The following CALN1 variants were observed in gnomAD, a reference collection of about 807,000 sequenced individuals.
CALN1 encodes the protein calneuron 1.
In CALN1, 17 loss-of-function variants were observed where a neutral mutation model predicts 30.6. The observed-to-expected ratio is 0.56, with a 90% confidence interval of 0.38 to 0.83. The LOEUF is 0.83. Ranked by LOEUF, CALN1 falls within the 40% of genes least tolerant of loss-of-function variation. The probability of loss-of-function intolerance (pLI) is 0.00; values close to 1 mark genes in which losing one functional copy is unlikely to be tolerated. For missense variants in CALN1, 291 were observed against 354.9 expected (o/e 0.82, Z 1.45); for synonymous variants, 156 against 131.4 (o/e 1.19, Z -1.28).
At chr7:72,057,383 CTTTTTTTTTT>C (rs60838093) in intron 4 of CALN1, among the ~76,000 whole-genome samples, 1 of 101,910 alleles carries the variant, frequency 9.8e-6, no homozygotes, top group Non-Finnish European at 1.9e-5. Context: ...TTTAAATGTT[CTTTTTTTTTT>C]TTTTTTTTTT....
chr7:72,037,483 A>T (rs1750028618), intron 4 of CALN1, among the ~76,000 whole-genome samples: 1 of 152,192 alleles, frequency 6.6e-6, no homozygotes, highest in South Asian at 2.1e-4. Context: ...GAACCATATC[A>T]TTTATTACCT....
chr7:71,831,288 G>A (rs1705747311), intron 5 of CALN1, among the ~76,000 whole-genome samples: 1 of 152,228 alleles, frequency 6.6e-6, no homozygotes, highest in East Asian at 1.9e-4. Flanking sequence ...AGATCAGCCT[G>A]GCCAAGATGG....
intron 5 of CALN1, among the ~76,000 whole-genome samples, chr7:71,900,513 TAACA>T (rs1222203901): frequency 6.6e-6 from 1 of 152,190 alleles, no homozygotes; most frequent in Non-Finnish European, 1.5e-5. Flanking sequence ...TATACACCAC[TAACA>T]ATCAAGCTGA....
At chr7:72,467,637 A>C in the CALN1 span, among the ~76,000 whole-genome samples, 1 of 152,192 alleles carries the variant, frequency 6.6e-6, no homozygotes, top group Non-Finnish European at 1.5e-5. Context: ...CTGGCCGTCC[A>C]TAGCCCCGAC....
intron 3 of CALN1, among the ~76,000 whole-genome samples, chr7:72,195,822 G>C (rs1426645673): frequency 1.3e-5 from 2 of 152,078 alleles, no homozygotes; most frequent in African/African-American, 4.8e-5. Flanking sequence ...AAGTTACAAG[G>C]TGTCATTATT....
Position 72,168,614 on chromosome 7 carries a change from C to T in CALN1, c.245-62320G>A, listed in dbSNP as rs150740819. On this transcript the variant is annotated intron_variant, in intron 3 of 6. Transcript: ENST00000395275. ...TCACAACTGGATTTATAGACTGTAA[C>T]TAAAAAAGTAAAAGAGACAGTGTTC... Among the ~76,000 whole-genome samples, 677 of 152,130 alleles carry T rather than the reference C, an allele frequency of 4.5e-3. 3 individuals are homozygous for T. Among genetic ancestry groups the T allele is most frequent in the African/African-American group, 0.016 (656 of 41,508 alleles).
chr7:71,953,768 A>G (rs111573610), intron 5 of CALN1, among the ~76,000 whole-genome samples: 68 of 152,006 alleles, frequency 4.5e-4, no homozygotes, highest in African/African-American at 1.6e-3. Context: ...CAAGCAGAGG[A>G]CCAGTTTCCA....
chr7:72,250,980 C>A (rs953485218), intron 3 of CALN1, among the ~76,000 whole-genome samples: 15 of 152,132 alleles, frequency 9.9e-5, no homozygotes, highest in African/African-American at 3.6e-4. Flanking sequence ...GGCTGTTGGG[C>A]AGGGTCTCTC....
intron 2 of CALN1, among the ~76,000 whole-genome samples, chr7:72,382,978 G>C (rs1486475041): frequency 1.3e-5 from 2 of 152,100 alleles, no homozygotes; most frequent in African/African-American, 4.8e-5. Context: ...TCTAGAGATG[G>C]GGTTTCACCA....
intron 6 of CALN1, among the ~76,000 whole-genome samples, chr7:71,799,759 A>C (rs1787196772): frequency 6.6e-6 from 1 of 152,136 alleles, no homozygotes; most frequent in African/African-American, 2.4e-5. Flanking sequence ...TACAGGCATG[A>C]GCCGCCGCGC....
At chr7:72,121,241 T>C (rs1225540381) in intron 3 of CALN1, among the ~76,000 whole-genome samples, 1 of 141,954 alleles carries the variant, frequency 7.0e-6, no homozygotes, top group Non-Finnish European at 1.5e-5. Context: ...ATAATTAATA[T>C]ATTATAATAC....
intron 3 of CALN1, among the ~76,000 whole-genome samples, chr7:72,121,418 TAA>T (rs1290941040): frequency 6.8e-6 from 1 of 146,610 alleles, no homozygotes; most frequent in Non-Finnish European, 1.5e-5. Context: ...GTACTATGTA[TAA>T]TATAGATATC....
intron 5 of CALN1, among the ~76,000 whole-genome samples, chr7:72,012,912 C>T (rs531992211): frequency 9.2e-5 from 14 of 152,256 alleles, no homozygotes; most frequent in Non-Finnish European, 1.8e-4. Flanking sequence ...TCTCCTGTCT[C>T]AGCCTCCTGA....
At chr7:72,205,551 A>AAATATATACATATATACATAT in intron 3 of CALN1, among the ~76,000 whole-genome samples, 3 of 83,052 alleles carry the variant, frequency 3.6e-5, no homozygotes, top group African/African-American at 1.5e-4. Context: ...GCAAAAAAAA[A>AAATATATACATATATACATAT]ATATATATAT....
intron 1 of CALN1, among the ~76,000 whole-genome samples, chr7:72,423,069 G>A (rs1468128052): frequency 2.7e-5 from 4 of 149,050 alleles, no homozygotes; most frequent in South Asian, 4.2e-4. Flanking sequence ...CTGAGATCAC[G>A]CCACACTCTA....
intron 4 of CALN1, among the ~76,000 whole-genome samples, chr7:72,092,604 G>T: frequency 9.0e-6 from 1 of 110,600 alleles, no homozygotes; most frequent in Non-Finnish European, 1.8e-5. Flanking sequence ...TAAAACTTTT[G>T]CAATGAATAT....
At chr7:72,279,720 G>A (rs543416726) in intron 2 of CALN1, among the ~76,000 whole-genome samples, 1 of 152,220 alleles carries the variant, frequency 6.6e-6, no homozygotes, top group East Asian at 1.9e-4. Flanking sequence ...CAGATGGGAA[G>A]ATTATCTTCT....
intron 3 of CALN1, among the ~76,000 whole-genome samples, chr7:72,192,739 GT>G (rs1378788424): frequency 6.6e-6 from 1 of 150,698 alleles, no homozygotes; most frequent in East Asian, 2.0e-4. Context: ...TGCCATGCTG[GT>G]GCGCTGCACC....
intron 3 of CALN1, among the ~76,000 whole-genome samples, chr7:72,145,160 C>CA (rs1247898907): frequency 2.6e-4 from 39 of 152,076 alleles, no homozygotes; most frequent in Non-Finnish European, 4.1e-4. Context: ...GAAAACCCTT[C>CA]AAAAAATCAA....
Sources: allele counts gnomAD v4.1 joint callset (sites outside exome capture counted in the v4.1 genomes callset), GRCh38; gene constraint gnomAD v4.1.1; transcripts MANE v1.5; gene names NCBI Gene and HGNC (gene_info 2026-07-23, HGNC 2026-07-21).